MTARC1: variants seen among roughly 807,000 people sequenced by gnomAD.
MTARC1 encodes the protein mitochondrial amidoxime-reducing component 1.
MTARC1 carries 24 observed loss-of-function variants against 33.6 expected under a neutral mutation model. The ratio of observed to expected loss-of-function variants is 0.72; its 90% CI spans 0.52 to 1.01. The LOEUF (loss-of-function observed/expected upper bound fraction) is 1.01, where lower values mean the gene tolerates loss of function less well. MTARC1 is among the 50% of genes least tolerant of loss of function. The pLI is 0.00. For missense variants in MTARC1, 417 were observed against 445.7 expected (o/e 0.94, Z 0.58); for synonymous variants, 187 against 189.5 (o/e 0.99, Z 0.11).
At chr1:220,788,950 C>T (rs188577669) in intron 1 of MTARC1, among the ~76,000 whole-genome samples, 1 of 152,112 alleles carries the variant, frequency 6.6e-6, no homozygotes, top group Non-Finnish European at 1.5e-5. Context: ...GAAGAGCTGG[C>T]CTTTGTACCA....
At chr1:220,794,952 G>A (rs931322080) in intron 2 of MTARC1, among the ~76,000 whole-genome samples, 8 of 152,014 alleles carry the variant, frequency 5.3e-5, no homozygotes, top group African/African-American at 1.9e-4. Flanking sequence ...CCAATCTACT[G>A]CTTAATGTAA....
intron 4 of MTARC1, 59 bp downstream of exon 4, chr1:220,798,073 A>G: frequency 6.2e-7 from 1 of 1,613,576 alleles, no homozygotes. Context: ...AAGGTATGAG[A>G]GTCTTTGACA....
chr1:220,815,204 G>T lies in MTARC1; in HGVS notation c.*1786G>T, dbSNP rs910901738. On this transcript the variant is annotated 3_prime_UTR_variant, in exon 7 of 7. Transcript: ENST00000366910. The stretch of plus-strand genomic sequence containing the variant: ...CATTACTAATGGGACCGGGGGACCC[G>T]TGGGAGAGTGAGTGTACACAGGATT... The T allele has an allele frequency of 6.6e-6, 1 of 152,390 alleles. No individual in the cohort carries two copies. Among genetic ancestry groups the T allele is most frequent in the East Asian group, 1.9e-4 (1 of 5,188 alleles). 9.4% of individuals were successfully genotyped at this position (152,390 alleles called of 1,614,324 possible).
intron 1 of MTARC1, among the ~76,000 whole-genome samples, chr1:220,789,498 T>C (rs1193357646): frequency 6.6e-6 from 1 of 152,204 alleles, no homozygotes; most frequent in Non-Finnish European, 1.5e-5. Context: ...TGAATTTGTG[T>C]TGGGCCTCAT....
chr1:220,810,177 C>A (rs1448142215), intron 6 of MTARC1, among the ~76,000 whole-genome samples: 1 of 151,980 alleles, frequency 6.6e-6, no homozygotes. Flanking sequence ...TTATTAATAC[C>A]AACAGGAATA....
chr1:220,809,516 T>TA (rs151304392), intron 6 of MTARC1, among the ~76,000 whole-genome samples: 11 of 149,922 alleles, frequency 7.3e-5, no homozygotes, highest in South Asian at 6.5e-4. Flanking sequence ...TAATTTAATT[T>TA]ATTTATTTAT....
rs35887054 is a variant in MTARC1, at chr1:220,791,584, C to T, written c.369C>T (p.Thr123=). 5.3e-4 allele frequency: 859 copies of T among 1,614,136 alleles called. 5 individuals are homozygous for T. In the African/African-American group the frequency reaches 9.7e-3, roughly 18 times the overall value. ...TTTCCCTGACCTGCGATGGTGACAC[C>T]CTGACTCTCAGTGCAGCCTACACAA... ...VLISLTCDGD[T]LTLSAAYTKD... The change falls in exon 2 of 7, where the codon ACC becomes ACT. Residue 123 remains threonine (T), a synonymous_variant. Transcript: ENST00000366910.
chr1:220,797,850 T>G (rs1558087537), intron 3 of MTARC1, 24 bp from the exon 4 acceptor site: 4 of 1,612,756 alleles, frequency 2.5e-6, no homozygotes, highest in Non-Finnish European at 3.4e-6. Context: ...CCATGTGTTA[T>G]AACAATGTCT....
intron 2 of MTARC1, among the ~76,000 whole-genome samples, chr1:220,795,080 CATT>C (rs1239816961): frequency 2.0e-5 from 3 of 152,030 alleles, no homozygotes; most frequent in Non-Finnish European, 4.4e-5. Context: ...TCCATTTATA[CATT>C]ATTATTAGAG....
chr1:220,803,716 G>C (rs58948556), intron 4 of MTARC1, among the ~76,000 whole-genome samples: 1 of 151,962 alleles, frequency 6.6e-6, no homozygotes, highest in African/African-American at 2.4e-5. Flanking sequence ...GAATAGAAGG[G>C]GCTCTGGAAG....
At chr1:220,787,253 T>C in intron 1 of MTARC1, 34 bp downstream of exon 1, 1 of 1,539,644 alleles carries the variant, frequency 6.5e-7, no homozygotes, top group Non-Finnish European at 8.7e-7. Context: ...GCAGCGCTGA[T>C]CCGGCTCGGG....
Position 220,813,513 on chromosome 1 carries a change from A to G in MTARC1, c.*95A>G. 3.3e-6 allele frequency: 5 copies of G among 1,492,582 alleles called. No homozygotes were observed. The highest frequency in any genetic ancestry group is 1.8e-4 in the Middle Eastern group (1 of 5,632). The allele number at this position is 1,492,582 out of a possible 1,614,324, so 92.5% of individuals were successfully genotyped here. On this transcript the variant is annotated 3_prime_UTR_variant, in exon 7 of 7. Transcript: ENST00000366910. ...ATGGTGTTTCAGAACTGAGACCTCT[A>G]CATTTTCTTTAAATTTGTGATTTTC... is the stretch of plus-strand genomic sequence containing the variant.
chr1:220,796,228 A>G (rs1672610898), intron 2 of MTARC1, among the ~76,000 whole-genome samples: 1 of 152,218 alleles, frequency 6.6e-6, no homozygotes, highest in African/African-American at 2.4e-5. Flanking sequence ...CTGGCAAAGC[A>G]TAGCCAGGCC....
In MTARC1 at chr1:220,818,112, A is replaced by G. The variant is rs1673318753; in HGVS notation, c.*4694A>G. 6.6e-6 allele frequency: 1 copy of G among 152,228 alleles called. No individual in the cohort carries two copies. The highest frequency in any genetic ancestry group is 1.5e-5 in the Non-Finnish European group (1 of 68,052). The allele number at this position is 152,228 out of a possible 1,614,324, so 9.4% of individuals were successfully genotyped here. The stretch of plus-strand genomic sequence containing the variant: ...TACCCAATTTCAAGCAAGAGGAAGA[A>G]TCTGGCTCGGTACCACAGATGTTCT... On this transcript the variant is annotated 3_prime_UTR_variant, in exon 7 of 7. Coordinates refer to ENST00000366910, the MANE Select transcript of MTARC1 (RefSeq NM_022746.4).
intron 4 of MTARC1, chr1:220,799,310 C>G: frequency 2.2e-6 from 1 of 447,404 alleles, no homozygotes; most frequent in Non-Finnish European, 3.0e-6. Flanking sequence ...CCCCCAAGGT[C>G]CTGGGTTGGG....
In MTARC1 at chr1:220,797,960, A is replaced by T. The variant is rs138147359; in HGVS notation, c.699A>T (p.Lys233Asn). Residue 233 changes from lysine to asparagine, a missense_variant, in exon 4 of 7, where the codon AAA becomes AAT. Coordinates refer to ENST00000366910, the MANE Select transcript of MTARC1 (RefSeq NM_022746.4). Reference sequence around the variant, plus strand: ...ACTCCAGGCTAGAGAAGAAAGTTAAAGCAACCAACTTCAGGCCCAATATTG... The same window carrying T: ...ACTCCAGGCTAGAGAAGAAAGTTAATGCAACCAACTTCAGGCCCAATATTG... ...DLNSRLEKKV[K>N]ATNFRPNIVI... 5 of 1,614,126 alleles carry T rather than the reference A, an allele frequency of 3.1e-6. No individual in the cohort carries two copies. The highest frequency in any genetic ancestry group is 4.2e-6 in the Non-Finnish European group (5 of 1,180,054).
chr1:220,787,257 G>T (rs1187631979), intron 1 of MTARC1, 38 bp downstream of exon 1: 1 of 1,534,790 alleles, frequency 6.5e-7, no homozygotes, highest in Non-Finnish European at 8.7e-7. Flanking sequence ...CGCTGATCCG[G>T]CTCGGGGCAA....
chr1:220,796,916 G>A (rs1376202921), intron 3 of MTARC1, 111 bp downstream of exon 3: 3 of 1,134,756 alleles, frequency 2.6e-6, no homozygotes, highest in Non-Finnish European at 3.7e-6. Flanking sequence ...CAGCCCTCTG[G>A]TAGCTCAGAT....
intron 6 of MTARC1, among the ~76,000 whole-genome samples, chr1:220,807,830 C>T (rs1258555899): frequency 6.6e-6 from 1 of 152,034 alleles, no homozygotes; most frequent in Admixed American, 6.5e-5. Flanking sequence ...ATTCAGTCTT[C>T]CTGTTTTCCA....
Sources: allele counts gnomAD v4.1 joint callset (sites outside exome capture counted in the v4.1 genomes callset), GRCh38; gene constraint gnomAD v4.1.1; transcripts MANE v1.5; gene names NCBI Gene and HGNC (gene_info 2026-07-23, HGNC 2026-07-21).